The following SYNPO2 variants were observed in gnomAD, a reference collection of about 807,000 sequenced individuals.
The protein encoded by SYNPO2 is synaptopodin-2.
SYNPO2 carries 56 observed loss-of-function variants against 85.0 expected under a neutral mutation model. That is an observed-to-expected ratio of 0.66 (90% confidence interval 0.53 to 0.82). The LOEUF is 0.82. Ranked by LOEUF, SYNPO2 falls within the 40% of genes least tolerant of loss-of-function variation. SYNPO2 has a pLI of 0.00. For missense variants in SYNPO2, 1,575 were observed against 1,534.2 expected (o/e 1.03, Z -0.44); for synonymous variants, 602 against 591.1 (o/e 1.02, Z -0.27).
chr4:118,877,089 C>T (rs1162631449), intron 1 of SYNPO2, among the ~76,000 whole-genome samples: 2 of 152,014 alleles, frequency 1.3e-5, no homozygotes, highest in Admixed American at 6.6e-5. Context: ...TGCAGGGAGC[C>T]ACTGCACCTG....
intron 1 of SYNPO2, among the ~76,000 whole-genome samples, chr4:118,902,289 A>G (rs1732784556): frequency 6.6e-6 from 1 of 152,156 alleles, no homozygotes; most frequent in Admixed American, 6.5e-5. Context: ...GAGCACCTGT[A>G]TTCGTCCATT....
In SYNPO2 at chr4:119,032,191, G is replaced by A. The variant is rs113443452; in HGVS notation, c.3252+164G>A. The A allele has an allele frequency of 1.2e-5, 17 of 1,446,624 alleles. No homozygotes were observed. In the African/African-American group the frequency reaches 1.9e-4, roughly 16 times the overall value. The allele number at this position is 1,446,624 out of a possible 1,614,324, so 89.6% of individuals were successfully genotyped here. A position where few individuals can be genotyped will look rare whatever the true frequency, so the allele number is the denominator to read the frequency against. On this transcript the variant is annotated intron_variant, in intron 4 of 4. Coordinates refer to ENST00000307142, the MANE Select transcript of SYNPO2 (RefSeq NM_133477.3). Reference sequence around the variant, plus strand: ...ATGTCACCTCCTAATCTGGGTCCAAGGAGTATAATATTTTTAATGAGTCAA... The same window carrying A: ...ATGTCACCTCCTAATCTGGGTCCAAAGAGTATAATATTTTTAATGAGTCAA...
rs1738186223 is a variant in SYNPO2 at position 119,030,548 on chromosome 4, C to T, written c.1773C>T (p.Pro591=). ...RMVPMNRTAK[P]FPGSVNQPAT... is the part of the protein sequence containing the mutation. ...TCCCCATGAATAGAACGGCCAAACC[C>T]TTCCCAGGGTCTGTGAATCAGCCAG... Residue 591 remains proline, a synonymous_variant, in exon 4 of 5, where the codon CCC becomes CCT. Transcript: ENST00000307142. 1 of 1,614,038 alleles carries T rather than the reference C, an allele frequency of 6.2e-7. No homozygotes were observed. The highest frequency in any genetic ancestry group is 1.7e-5 in the Admixed American group (1 of 60,004).
intron 1 of SYNPO2, among the ~76,000 whole-genome samples, chr4:118,927,769 AGATAGAT>A (rs1195730234): frequency 2.7e-4 from 12 of 44,754 alleles, no homozygotes; most frequent in African/African-American, 6.6e-4. Context: ...ATATATAGAT[AGATAGAT>A]GATAGATAGA....
intron 1 of SYNPO2, among the ~76,000 whole-genome samples, chr4:119,001,607 A>G (rs1736826513): frequency 6.6e-6 from 1 of 152,254 alleles, no homozygotes; most frequent in Admixed American, 6.5e-5. Flanking sequence ...GCAAGGATTT[A>G]TTGAAAAGCC....
chr4:119,004,578 A>G (rs1313013898), intron 1 of SYNPO2, among the ~76,000 whole-genome samples: 4 of 148,770 alleles, frequency 2.7e-5, no homozygotes, highest in Admixed American at 6.8e-5. Context: ...ATGGCTGCAT[A>G]GTATTCCATG....
At chr4:118,920,457 A>C (rs1733496100) in intron 1 of SYNPO2, among the ~76,000 whole-genome samples, 1 of 152,130 alleles carries the variant, frequency 6.6e-6, no homozygotes, top group Non-Finnish European at 1.5e-5. Flanking sequence ...AAGTGATTCG[A>C]CTGTGCACGT....
In SYNPO2 at chr4:118,931,639, C is replaced by T. The variant is rs527999636; in HGVS notation, c.105+42498C>T. 7.2e-5 allele frequency among the ~76,000 whole-genome samples: 11 copies of T among 152,194 alleles called. No homozygotes were observed. The East Asian group carries it at 1.5e-3, about 21-fold the overall frequency. ...TAGATCAGGAATACCCTGGAGTAAG[C>T]GAGGCATAGAAAATTATGTAAGCAA... On this transcript the variant is annotated intron_variant, in intron 1 of 4. Transcript: ENST00000307142.
chr4:118,980,623 A>G (rs538371226), intron 1 of SYNPO2, among the ~76,000 whole-genome samples: 2 of 152,364 alleles, frequency 1.3e-5, no homozygotes, highest in East Asian at 3.9e-4. Flanking sequence ...AATTTGAAAA[A>G]AAAAGAACTT....
intron 1 of SYNPO2, among the ~76,000 whole-genome samples, chr4:118,895,964 A>G (rs1367253170): frequency 6.6e-6 from 1 of 152,166 alleles, no homozygotes; most frequent in Non-Finnish European, 1.5e-5. Context: ...TATCTCTTTT[A>G]ATATTAATTC....
At chr4:118,913,024 T>C (rs73844621) in intron 1 of SYNPO2, among the ~76,000 whole-genome samples, 2,195 of 152,324 alleles carry the variant, frequency 0.014, 47 homozygotes, top group African/African-American at 0.05. Context: ...CAACTAATTG[T>C]TAGCATTAGC....
upstream of SYNPO2, among the ~76,000 whole-genome samples, chr4:118,887,005 GA>G (rs796572477): frequency 4.0e-5 from 6 of 151,302 alleles, no homozygotes; most frequent in South Asian, 6.3e-4. Context: ...ACATTGATGA[GA>G]AAAAAAAATG....
At chr4:119,055,411 T>A (rs982332047) in intron 4 of SYNPO2, among the ~76,000 whole-genome samples, 4 of 152,176 alleles carry the variant, frequency 2.6e-5, no homozygotes, top group Non-Finnish European at 1.5e-5. Flanking sequence ...TGCCTCAGCC[T>A]CCCCAAGAGT....
intron 1 of SYNPO2, among the ~76,000 whole-genome samples, chr4:118,935,960 G>T (rs1399713210): frequency 1.3e-5 from 2 of 152,142 alleles, no homozygotes; most frequent in Non-Finnish European, 2.9e-5. Flanking sequence ...CTTAGGGGTG[G>T]CAGAGGCAGA....
intron 1 of SYNPO2, among the ~76,000 whole-genome samples, chr4:118,912,629 C>G (rs1037049735): frequency 5.3e-5 from 8 of 152,056 alleles, no homozygotes; most frequent in African/African-American, 1.7e-4. Context: ...AAATTCTAAC[C>G]ATTTTTTCCC....
chr4:119,028,911 C>T (rs1004505318), intron 3 of SYNPO2, among the ~76,000 whole-genome samples: 1 of 151,440 alleles, frequency 6.6e-6, no homozygotes, highest in Non-Finnish European at 1.5e-5. Context: ...TAATTTGCCA[C>T]CCATTTCTTT....
At chr4:119,051,400 C>G (rs1314974987) in intron 4 of SYNPO2, among the ~76,000 whole-genome samples, 2 of 151,188 alleles carry the variant, frequency 1.3e-5, no homozygotes, top group East Asian at 3.9e-4. Flanking sequence ...CGTTTTTTAG[C>G]CGGGATGGTC....
intron 1 of SYNPO2, among the ~76,000 whole-genome samples, chr4:119,023,187 T>A (rs377639790): frequency 2.9e-4 from 44 of 152,378 alleles, no homozygotes; most frequent in African/African-American, 9.9e-4. Context: ...TTTATTTACT[T>A]TCTTTTTTCC....
chr4:119,050,670 G>C (rs1286254003), intron 4 of SYNPO2, among the ~76,000 whole-genome samples: 2 of 152,182 alleles, frequency 1.3e-5, no homozygotes, highest in African/African-American at 4.8e-5. Context: ...TTAGTGTTAA[G>C]CCCTTTTGTG....
Sources: gnomAD v4.1 joint callset for allele counts (sites outside exome capture counted in the v4.1 genomes callset) on GRCh38, gnomAD v4.1.1 for gene constraint, MANE v1.5 for transcripts, NCBI Gene and HGNC (gene_info 2026-07-23, HGNC 2026-07-21) for gene names.